The following GNGT2 variants were observed in gnomAD, a reference collection of about 807,000 sequenced individuals.
GNGT2 encodes the protein G protein subunit gamma transducin 2.
Under a neutral mutation model 3.5 loss-of-function variants are expected in GNGT2, and 4 were observed. The ratio of observed to expected loss-of-function variants is 1.13; its 90% CI spans 0.56 to 2.59. GNGT2 has a LOEUF of 2.59. Among genes scored for constraint, GNGT2 ranks in the 30% most tolerant of loss-of-function variants. The pLI is 0.02. For synonymous variants in GNGT2, 31 were observed against 29.5 expected (o/e 1.05, Z -0.17); for missense variants, 64 against 81.2 (o/e 0.79, Z 0.82).
chr17:49,209,427 T>A (rs1400800450), intron 1 of GNGT2: 1 of 152,308 alleles, frequency 6.6e-6, no homozygotes, highest in African/African-American at 2.4e-5. Context: ...GCTGTGCCAC[T>A]TAGTACTTGG....
At chr17:49,209,644 G>A (rs540414412) in intron 1 of GNGT2, among the ~76,000 whole-genome samples, 1 of 152,294 alleles carries the variant, frequency 6.6e-6, no homozygotes, top group African/African-American at 2.4e-5. Context: ...CCCGCTGGAG[G>A]AGCAAAAGTT....
chr17:49,210,530 G>A lies in GNGT2; in HGVS notation c.-219C>T, dbSNP rs1262884058. ...CCTTCCTCTGGGCAGGGGACAGAGA[G>A]ACACAGGCTCGGGGAGCAGGACTGA... On this transcript the variant is annotated 5_prime_UTR_variant, in exon 1 of 4. Transcript: ENST00000507680. The surrounding 1 kb of genome is among the most constrained non-coding windows in gnomAD (Gnocchi z 4.2). The A allele has an allele frequency of 3.9e-6, 2 of 516,220 alleles. No homozygotes were observed. Among genetic ancestry groups the A allele is most frequent in the Non-Finnish European group, 7.0e-6 (2 of 287,570 alleles). The allele number at this position is 516,220 out of a possible 1,614,324, so 32.0% of individuals were successfully genotyped here. A position where few individuals can be genotyped will look rare whatever the true frequency, so the allele number is the denominator to read the frequency against.
chr17:49,207,564 A>G (rs2043118160), intron 2 of GNGT2, 120 bp from the exon 3 acceptor site: 1 of 676,042 alleles, frequency 1.5e-6, no homozygotes, highest in Non-Finnish European at 2.7e-6. Flanking sequence ...ATCATTCAAC[A>G]GATATTCACT....
At chr17:49,207,249 C>G (rs1022753147) in intron 3 of GNGT2, 90 bp downstream of exon 3, 17 of 952,540 alleles carry the variant, frequency 1.8e-5, no homozygotes, top group African/African-American at 1.4e-4. Flanking sequence ...AGCCCTGGAA[C>G]AGTCCCACCA....
At chr17:49,207,482 C>G in intron 2 of GNGT2, 38 bp from the exon 3 acceptor site, 1 of 1,070,244 alleles carries the variant, frequency 9.3e-7, no homozygotes, top group Non-Finnish European at 1.5e-6. Context: ...TAAATCTCAT[C>G]AGCTCTTCCA....
At chr17:49,208,774 G>C (rs2043130199) in intron 2 of GNGT2, 71 bp downstream of exon 2, 1 of 151,874 alleles carries the variant, frequency 6.6e-6, no homozygotes, top group Non-Finnish European at 1.5e-5. Flanking sequence ...TATCAGGAAG[G>C]CCTTCCTGGT....
intron 3 of GNGT2, 125 bp from the exon 4 acceptor site, chr17:49,207,007 A>G (rs2043112631): frequency 2.1e-6 from 2 of 970,798 alleles, no homozygotes; most frequent in African/African-American, 1.6e-5. Context: ...AAAGACACAG[A>G]GGACAGACAG....
chr17:49,209,262 C>G (rs1598234106), intron 1 of GNGT2: 1 of 152,478 alleles, frequency 6.6e-6, no homozygotes, highest in Non-Finnish European at 1.5e-5. Context: ...TGCTCTGAGG[C>G]TGTCCTTCCT....
Position 49,209,018 on chromosome 17 carries a change from G to A in GNGT2, c.-132-64C>T, listed in dbSNP as rs55680377. ...GCTCAAAGTTCTAAGCCCATCACCCGCTTGAGCCTTCAAGCCCTCACTACA... is the reference window on the plus strand; with the variant it reads ...GCTCAAAGTTCTAAGCCCATCACCCACTTGAGCCTTCAAGCCCTCACTACA... On this transcript the variant is annotated intron_variant, in intron 1 of 3. Transcript: ENST00000507680. 0.097 allele frequency: 14,805 copies of A among 152,256 alleles called. 848 individuals carry two copies. Among genetic ancestry groups the A allele is most frequent in the South Asian group, 0.19 (901 of 4,810 alleles). The allele number at this position is 152,256 out of a possible 1,614,324, so 9.4% of individuals were successfully genotyped here. A position where few individuals can be genotyped will look rare whatever the true frequency, so the allele number is the denominator to read the frequency against.
At chr17:49,209,375 C>T (rs551620663) in intron 1 of GNGT2, 1 of 152,470 alleles carries the variant, frequency 6.6e-6, no homozygotes, top group African/African-American at 2.4e-5. Context: ...TCCTAGCTCA[C>T]TCTTCATCCA....
chr17:49,206,884 T>C lies in GNGT2; in HGVS notation c.85-2A>G. ...GATTTCCTTTCCCGCTTTGGAAATC[T>C]GCGAGAACACAAAAAATGTTTTAGG... On this transcript the variant is annotated splice_acceptor_variant, in intron 3 of 3. Coordinates refer to ENST00000507680, the MANE Select transcript of GNGT2 (RefSeq NM_001198754.2). LOFTEE classifies it high-confidence loss of function. 1 of 1,614,028 alleles carries C rather than the reference T, an allele frequency of 6.2e-7. No homozygotes were observed. The highest frequency in any genetic ancestry group is 8.5e-7 in the Non-Finnish European group (1 of 1,179,960).
At chr17:49,209,873 C>T (rs549964854) in intron 1 of GNGT2, among the ~76,000 whole-genome samples, 1 of 152,282 alleles carries the variant, frequency 6.6e-6, no homozygotes, top group South Asian at 2.1e-4. Flanking sequence ...TGAACCACAG[C>T]CCATACCTCC....
Position 49,210,443 on chromosome 17 carries a change from C to T in GNGT2, c.-133+1G>A, listed in dbSNP as rs1404271778. The stretch of plus-strand genomic sequence containing the variant: ...CAGGGAGCAATCACAGCTGCCCCGA[C>T]CTTGGCTTCCTCTGCTGGGTGGGAT... On this transcript the variant is annotated splice_donor_variant, in intron 1 of 3. Transcript: ENST00000507680. LOFTEE classifies it low-confidence loss of function (5UTR_SPLICE). This position sits in a 1 kb window ranked among gnomAD's most constrained non-coding sequence, Gnocchi z 4.2. The T allele has an allele frequency of 3.0e-5, 10 of 331,674 alleles. No individual in the cohort carries two copies. Among genetic ancestry groups the T allele is most frequent in the Non-Finnish European group, 5.6e-5 (10 of 179,858 alleles). 20.5% of individuals were successfully genotyped at this position (331,674 alleles called of 1,614,324 possible).
At position 49,206,684 on chromosome 17, in the gene GNGT2, T is replaced by G; in HGVS notation, c.*73A>C. ...TGATGAAGAGAAGGTGACAGTTCAC[T>G]GGCTCCCTGGGGGTCTAGGAGACTT... On this transcript the variant is annotated 3_prime_UTR_variant, in exon 4 of 4. Transcript: ENST00000507680. The G allele has an allele frequency of 7.0e-7, 1 of 1,423,830 alleles. No individual in the cohort carries two copies. The highest frequency in any genetic ancestry group is 9.6e-7 in the Non-Finnish European group (1 of 1,040,512). The allele number at this position is 1,423,830 out of a possible 1,614,324, so 88.2% of individuals were successfully genotyped here.
intron 1 of GNGT2, among the ~76,000 whole-genome samples, chr17:49,209,635 C>T (rs759568896): frequency 1.3e-5 from 2 of 152,104 alleles, no homozygotes; most frequent in Non-Finnish European, 2.9e-5. Flanking sequence ...GACAAGGGAC[C>T]CGCTGGAGGA....
At chr17:49,209,907 A>G (rs1364293996) in intron 1 of GNGT2, among the ~76,000 whole-genome samples, 1 of 152,170 alleles carries the variant, frequency 6.6e-6, no homozygotes, top group East Asian at 1.9e-4. Flanking sequence ...TGCTCTGTCC[A>G]CCGCTGCTTC....
At chr17:49,208,405 G>A (rs1382071523) in intron 2 of GNGT2, among the ~76,000 whole-genome samples, 3 of 149,442 alleles carry the variant, frequency 2.0e-5, no homozygotes, top group Non-Finnish European at 3.0e-5. Context: ...AGGTTGCAGT[G>A]AGCCGAGATC....
At chr17:49,209,872 GC>G (rs1226994357) in intron 1 of GNGT2, among the ~76,000 whole-genome samples, 1 of 152,162 alleles carries the variant, frequency 6.6e-6, no homozygotes, top group Non-Finnish European at 1.5e-5. Flanking sequence ...GTGAACCACA[GC>G]CCATACCTCC....
chr17:49,209,554 C>T (rs1320421429), intron 1 of GNGT2, among the ~76,000 whole-genome samples: 1 of 152,138 alleles, frequency 6.6e-6, no homozygotes, highest in African/African-American at 2.4e-5. Flanking sequence ...CTTGCTGTCC[C>T]CCCAGGACCA....
Sources: allele counts gnomAD v4.1 joint callset (sites outside exome capture counted in the v4.1 genomes callset), GRCh38; gene constraint gnomAD v4.1.1; non-coding constraint Gnocchi (gnomAD v3.1); transcripts MANE v1.5; gene names NCBI Gene and HGNC (gene_info 2026-07-23, HGNC 2026-07-21).